GNG2: variants seen among roughly 807,000 people sequenced by gnomAD.
The protein encoded by GNG2 is G protein subunit gamma 2.
Under a neutral mutation model 5.5 loss-of-function variants are expected in GNG2, and 5 were observed. That is an observed-to-expected ratio of 0.91 (90% CI 0.48 to 1.92). The LOEUF (loss-of-function observed/expected upper bound fraction) is 1.92. Ranked by LOEUF, GNG2 falls within the 30% of genes most tolerant of loss-of-function variation. The pLI is 0.01. For synonymous variants in GNG2, 28 were observed against 32.0 expected, an observed-to-expected ratio of 0.88 and a Z score of 0.42; for missense variants, 55 against 88.4, an observed-to-expected ratio of 0.62 and a Z score of 1.52.
chr14:51,916,831 G>GA (rs765134215), intron 2 of GNG2, among the ~76,000 whole-genome samples: 17 of 152,198 alleles, frequency 1.1e-4, no homozygotes, highest in Non-Finnish European at 2.2e-4. Flanking sequence ...AAAATTCAGA[G>GA]AAGAAGGTCT....
intron 2 of GNG2, among the ~76,000 whole-genome samples, chr14:51,930,913 G>A (rs1223566949): frequency 1.3e-5 from 2 of 152,156 alleles, no homozygotes; most frequent in African/African-American, 4.8e-5. Flanking sequence ...CCTGAACTCA[G>A]AGTGAGAACT....
intron 2 of GNG2, among the ~76,000 whole-genome samples, chr14:51,928,616 A>C (rs1340517465): frequency 6.6e-6 from 1 of 152,172 alleles, no homozygotes; most frequent in Non-Finnish European, 1.5e-5. Flanking sequence ...CATCCTAAAA[A>C]AACACTGTAA....
At chr14:51,951,290 T>C (rs1489142232) in intron 3 of GNG2, among the ~76,000 whole-genome samples, 2 of 152,242 alleles carry the variant, frequency 1.3e-5, no homozygotes, top group Admixed American at 6.5e-5. Flanking sequence ...AGAGGTTTAA[T>C]GAAAGTTCAT....
chr14:51,909,848 C>T (rs1444918700), intron 2 of GNG2, among the ~76,000 whole-genome samples: 1 of 152,222 alleles, frequency 6.6e-6, no homozygotes, highest in Non-Finnish European at 1.5e-5. Context: ...TTCTTCCCAA[C>T]AGCCTACAAC....
chr14:51,914,316 G>A (rs1277301960), intron 2 of GNG2: 2 of 701,292 alleles, frequency 2.9e-6, no homozygotes, highest in South Asian at 3.0e-5. Context: ...ATTTCATTAT[G>A]TCTGAAAGAA....
intron 2 of GNG2, among the ~76,000 whole-genome samples, chr14:51,904,966 T>TG (rs1413687417): frequency 6.6e-6 from 1 of 152,238 alleles, no homozygotes; most frequent in African/African-American, 2.4e-5. Flanking sequence ...TGACAGATCT[T>TG]GACAGATAAA....
At chr14:51,893,153 G>A (rs1181414263) in intron 2 of GNG2, among the ~76,000 whole-genome samples, 1 of 152,160 alleles carries the variant, frequency 6.6e-6, no homozygotes, top group Non-Finnish European at 1.5e-5. Flanking sequence ...TTGAGTAAAA[G>A]CACTTAGGTC....
intron 2 of GNG2, among the ~76,000 whole-genome samples, chr14:51,929,914 TTA>T (rs1468828181): frequency 3.9e-5 from 6 of 152,192 alleles, no homozygotes; most frequent in Admixed American, 3.9e-4. Flanking sequence ...TAGGATGATA[TTA>T]TCTGTCCCTG....
intron 2 of GNG2, among the ~76,000 whole-genome samples, chr14:51,897,822 G>GC (rs1314554670): frequency 6.6e-6 from 1 of 152,186 alleles, no homozygotes; most frequent in Non-Finnish European, 1.5e-5. Context: ...ACAGCTGTGT[G>GC]CCCCACAATG....
intron 2 of GNG2, among the ~76,000 whole-genome samples, chr14:51,880,345 G>A (rs74944027): frequency 1.3e-5 from 2 of 152,142 alleles, no homozygotes; most frequent in East Asian, 3.8e-4. Context: ...TTTAAAATGT[G>A]GAAATTGGAG....
intron 1 of GNG2, among the ~76,000 whole-genome samples, chr14:51,871,566 T>C (rs979235005): frequency 5.2e-4 from 79 of 152,180 alleles, no homozygotes; most frequent in African/African-American, 1.7e-3. Flanking sequence ...AGGAGAAAAA[T>C]ACATAATAAA....
intron 2 of GNG2, chr14:51,940,318 T>G (rs1379857149): frequency 6.6e-6 from 1 of 152,316 alleles, no homozygotes; most frequent in African/African-American, 2.4e-5. Flanking sequence ...CCTGAGGCTA[T>G]CCACAGTTGG....
chr14:51,874,561 T>C (rs1285539612), intron 1 of GNG2, among the ~76,000 whole-genome samples: 1 of 151,892 alleles, frequency 6.6e-6, no homozygotes, highest in Non-Finnish European at 1.5e-5. Flanking sequence ...AGACACCCTG[T>C]CTCTACAGAA....
rs545721735 is a variant in GNG2, at chr14:51,901,631, G to A, written c.-30+23974G>A. Reference sequence around the variant, plus strand: ...GTAGCCACTGAGTGGTCCGGGAGGTGAGAGTGGAGGTGTGCATAGTGCCCT... The same window carrying A: ...GTAGCCACTGAGTGGTCCGGGAGGTAAGAGTGGAGGTGTGCATAGTGCCCT... On this transcript the variant is annotated intron_variant, in intron 2 of 3. Transcript: ENST00000556766. Among the ~76,000 whole-genome samples the A allele has an allele frequency of 3.9e-5, 6 of 152,184 alleles. No individual in the cohort carries two copies. The South Asian group carries it at 8.3e-4, about 21-fold the overall frequency.
At chr14:51,827,953 G>A in intron 2 of GNG2, 2 of 586,596 alleles carry the variant, frequency 3.4e-6, no homozygotes, top group Non-Finnish European at 6.0e-6. Flanking sequence ...TAAAGCTGCG[G>A]AAGATGAGAG....
intron 2 of GNG2, among the ~76,000 whole-genome samples, chr14:51,840,515 C>A (rs1881454931): frequency 6.6e-6 from 1 of 152,190 alleles, no homozygotes; most frequent in South Asian, 2.1e-4. Context: ...TCTGTAAATA[C>A]CTCATTTCTG....
rs539334675 is a variant in GNG2 at position 51,827,956 on chromosome 14, G to C, written c.64+149G>C. 2.3e-4 allele frequency: 136 copies of C among 586,512 alleles called. 2 individuals carry two copies. In the South Asian group the frequency reaches 2.4e-3, roughly 10 times the overall value. 36.3% of individuals were successfully genotyped at this position (586,512 alleles called of 1,614,324 possible). On this transcript the variant is annotated intron_variant, in intron 2 of 3. Coordinates refer to the GNG2 transcript ENST00000553432. ...CAGGAGGGAGCATAAAGCTGCGGAA[G>C]ATGAGAGAATAACCCAGGATAGATG...
At position 51,969,641 on chromosome 14, in the gene GNG2, A is replaced by T. The variant is rs1566724921; in HGVS notation, c.*2954A>T. The T allele has an allele frequency of 1.3e-5, 2 of 152,234 alleles. No individual in the cohort carries two copies. The highest frequency in any genetic ancestry group is 4.8e-5 in the African/African-American group (2 of 41,468). 9.4% of individuals were successfully genotyped at this position (152,234 alleles called of 1,614,324 possible). On this transcript the variant is annotated 3_prime_UTR_variant, in exon 4 of 4. Transcript: ENST00000556766. Reference sequence around the variant, plus strand: ...ATGCATTAATGTTTTGCAGCCCAAAAGTTGTTCACATTTTTCCTATATAAG... The same window carrying T: ...ATGCATTAATGTTTTGCAGCCCAAATGTTGTTCACATTTTTCCTATATAAG...
At chr14:51,858,981 A>T (rs1340812729), upstream of GNG2, among the ~76,000 whole-genome samples, 1 of 152,246 alleles carries the variant, frequency 6.6e-6, no homozygotes, top group African/African-American at 2.4e-5. Context: ...AGAACATTTC[A>T]TAGAAATTAA....
Sources: allele counts gnomAD v4.1 joint callset (sites outside exome capture counted in the v4.1 genomes callset), GRCh38; gene constraint gnomAD v4.1.1; transcripts MANE v1.5; gene names NCBI Gene and HGNC (gene_info 2026-07-23, HGNC 2026-07-21).